The following DPY19L1 variants were observed in gnomAD, a reference collection of about 807,000 sequenced individuals.
DPY19L1 encodes protein C-mannosyl-transferase DPY19L1.
Under a neutral mutation model 96.9 loss-of-function variants are expected in DPY19L1, and 35 were observed. The observed-to-expected ratio is 0.36, with a 90% CI of 0.28 to 0.48. The LOEUF (loss-of-function observed/expected upper bound fraction) is 0.48. Among genes scored for constraint, DPY19L1 ranks in the 20% least tolerant of loss-of-function variants. The pLI is 0.99. For synonymous variants in DPY19L1, 205 were observed against 252.6 expected (o/e 0.81, Z 1.79); for missense variants, 521 against 777.9 (o/e 0.67, Z 3.93).
intron 7 of DPY19L1, among the ~76,000 whole-genome samples, chr7:34,974,871 C>T (rs1326367595): frequency 6.6e-6 from 1 of 152,064 alleles, no homozygotes; most frequent in Non-Finnish European, 1.5e-5. Context: ...ATATTTCAAC[C>T]TTTTTCATTA....
intron 8 of DPY19L1, among the ~76,000 whole-genome samples, 177 bp downstream of exon 8, chr7:34,973,337 A>G (rs1198995054): frequency 6.6e-6 from 1 of 152,226 alleles, no homozygotes; most frequent in African/African-American, 2.4e-5. Flanking sequence ...GAGGAACAGA[A>G]GGCTGATAGA....
chr7:34,952,360 GAACTGGAGAGCTTCCTAATGA>G (rs1481632384), intron 13 of DPY19L1, among the ~76,000 whole-genome samples: 1 of 152,080 alleles, frequency 6.6e-6, no homozygotes, highest in Non-Finnish European at 1.5e-5. Context: ...CACTCCAGAT[GAACTGGAGAGCTTCCTAATGA>G]AATTGAATTT....
chr7:34,998,833 C>T (rs1399325376), intron 6 of DPY19L1, among the ~76,000 whole-genome samples: 1 of 152,126 alleles, frequency 6.6e-6, no homozygotes, highest in Admixed American at 6.5e-5. Context: ...AAAATAGAAA[C>T]TAATACAAAT....
intron 3 of DPY19L1, among the ~76,000 whole-genome samples, chr7:35,013,911 T>C (rs1785775857): frequency 6.6e-6 from 1 of 152,154 alleles, no homozygotes; most frequent in Non-Finnish European, 1.5e-5. Context: ...TTGAAATAAC[T>C]GAATGCAAAA....
At chr7:35,011,261 G>A (rs1785703952) in intron 5 of DPY19L1, 69 bp downstream of exon 5, 9 of 1,546,986 alleles carry the variant, frequency 5.8e-6, no homozygotes, top group Non-Finnish European at 8.0e-6. Flanking sequence ...TACAGTGTAA[G>A]TTTATTATGC....
intron 7 of DPY19L1, among the ~76,000 whole-genome samples, chr7:34,986,081 T>G (rs886944163): frequency 6.6e-6 from 1 of 152,020 alleles, no homozygotes; most frequent in Non-Finnish European, 1.5e-5. Context: ...CTGTATGATC[T>G]CAATTATATG....
At position 34,989,812 on chromosome 7, in the gene DPY19L1, A is replaced by G. The variant is rs528068911; in HGVS notation, c.822+72T>C. ...TAAGATCAAACATTTAAAGAATGCC[A>G]TTATAGATTAAATTTAAAGAAGAAA... On this transcript the variant is annotated intron_variant, in intron 7 of 21. Transcript: ENST00000638088. 26 of 1,236,596 alleles carry G rather than the reference A, an allele frequency of 2.1e-5. No individual in the cohort carries two copies. In the African/African-American group the frequency reaches 3.7e-4, roughly 18 times the overall value. The allele number at this position is 1,236,596 out of a possible 1,614,324, so 76.6% of individuals were successfully genotyped here.
chr7:35,027,225 A>G (rs756065935), intron 1 of DPY19L1, among the ~76,000 whole-genome samples: 10 of 151,742 alleles, frequency 6.6e-5, no homozygotes, highest in African/African-American at 1.7e-4. Flanking sequence ...AAGAAAAAAA[A>G]AAGAGGGTTT....
chr7:34,998,731 C>T (rs532439456), intron 6 of DPY19L1, among the ~76,000 whole-genome samples: 1 of 152,326 alleles, frequency 6.6e-6, no homozygotes, highest in South Asian at 2.1e-4. Flanking sequence ...AAGACCCATC[C>T]ACTTTGCAAT....
In DPY19L1 at chr7:35,013,595, T is replaced by C. The variant is rs774136885; in HGVS notation, c.522A>G (p.Thr174=). The C allele has an allele frequency of 2.5e-6, 4 of 1,609,728 alleles. No individual in the cohort carries two copies. The highest frequency in any genetic ancestry group is 1.3e-5 in the African/African-American group (1 of 74,846). The change falls in exon 4 of 22, where the codon ACA becomes ACG. Residue 174 remains threonine, a synonymous_variant. Coordinates refer to ENST00000638088, the MANE Select transcript of DPY19L1 (RefSeq NM_001366673.1). ...CAGGGTAAAGATTGAATCTTTTTAA[T>C]GTATTAATGACAAGGGGGTATTCAG... The part of the protein sequence containing the change: ...KLTEYPLVIN[T]LKRFNLYPEV...
intron 10 of DPY19L1, 139 bp downstream of exon 10, chr7:34,966,755 T>C: frequency 1.2e-6 from 1 of 840,560 alleles, no homozygotes; most frequent in Non-Finnish European, 1.7e-6. Context: ...ATGAGGTCTG[T>C]TGATTATATC....
chr7:34,970,461 G>T lies in DPY19L1; in HGVS notation c.915-929C>A, dbSNP rs1308521140. Among the ~76,000 whole-genome samples, 3 of 152,132 alleles carry T rather than the reference G, an allele frequency of 2.0e-5. 1 individual carries two copies. On this transcript the variant is annotated intron_variant, in intron 8 of 21. Transcript: ENST00000638088. ...AAATGCAGATCAGCAGAGTGAAACA[G>T]AATATATATGACTATATCCTACTTA...
At chr7:34,967,247 C>G (rs899609768) in intron 9 of DPY19L1, among the ~76,000 whole-genome samples, 2 of 152,062 alleles carry the variant, frequency 1.3e-5, no homozygotes, top group Non-Finnish European at 2.9e-5. Context: ...TCAGGTCAAC[C>G]CTACTGTCAA....
chr7:35,036,569 G>T (rs1786405930), intron 1 of DPY19L1, among the ~76,000 whole-genome samples: 3 of 152,012 alleles, frequency 2.0e-5, no homozygotes, highest in African/African-American at 7.2e-5. Context: ...ACGTGTCGAG[G>T]GGAATCACAA....
In DPY19L1 at chr7:35,023,259, T is replaced by C. The variant is rs551334026; in HGVS notation, c.299-4663A>G. On this transcript the variant is annotated intron_variant, in intron 1 of 21. Transcript: ENST00000638088. Reference sequence around the variant, plus strand: ...CCAGGGCCCTTCCTAGACGCCGTCCTGAGGGTCACTGGGAAGTACGAATGC... The same window carrying C: ...CCAGGGCCCTTCCTAGACGCCGTCCCGAGGGTCACTGGGAAGTACGAATGC... 5.3e-5 allele frequency among the ~76,000 whole-genome samples: 8 copies of C among 152,316 alleles called. No homozygotes were observed. In the East Asian group the frequency reaches 5.8e-4, roughly 11 times the overall value.
chr7:34,951,427 G>A (rs1784263829), intron 13 of DPY19L1, among the ~76,000 whole-genome samples: 1 of 151,946 alleles, frequency 6.6e-6, no homozygotes, highest in Admixed American at 6.6e-5. Context: ...GATTATAAAT[G>A]CAATACAACT....
intron 15 of DPY19L1, among the ~76,000 whole-genome samples, chr7:34,947,104 A>T (rs949974934): frequency 1.3e-5 from 2 of 152,196 alleles, no homozygotes; most frequent in African/African-American, 4.8e-5. Context: ...AAGAGAGGGA[A>T]TATCACACTT....
chr7:35,016,317 A>G (rs781203910), intron 3 of DPY19L1, among the ~76,000 whole-genome samples: 6 of 152,218 alleles, frequency 3.9e-5, no homozygotes, highest in Non-Finnish European at 5.9e-5. Flanking sequence ...AGTTTACAAA[A>G]TATGTTAAAA....
At chr7:34,933,550 A>C (rs541815296) in intron 21 of DPY19L1, among the ~76,000 whole-genome samples, 1 of 152,296 alleles carries the variant, frequency 6.6e-6, no homozygotes, top group South Asian at 2.1e-4. Context: ...AAGGGAGATT[A>C]ATGTTTGAGT....
Sources: allele counts gnomAD v4.1 joint callset (sites outside exome capture counted in the v4.1 genomes callset), GRCh38; gene constraint gnomAD v4.1.1; transcripts MANE v1.5; gene names NCBI Gene and HGNC (gene_info 2026-07-23, HGNC 2026-07-21).